The following RAPH1 variants were observed in gnomAD, a reference collection of about 807,000 sequenced individuals.
RAPH1 encodes the protein Ras association (RalGDS/AF-6) and pleckstrin homology domains 1, also known as ras-associated and pleckstrin homology domains-containing protein 1.
Under a neutral mutation model 88.1 loss-of-function variants are expected in RAPH1, and 18 were observed. The observed-to-expected ratio is 0.20, with a 90% CI of 0.14 to 0.30. RAPH1 has a LOEUF of 0.30. RAPH1 is among the 10% of genes least tolerant of loss of function. RAPH1 has a pLI of 1.00. For missense variants in RAPH1, 1,448 were observed against 1,543.2 expected, an observed-to-expected ratio of 0.94 and a Z score of 1.03; for synonymous variants, 587 against 559.0, an observed-to-expected ratio of 1.05 and a Z score of -0.71.
chr2:203,470,224 T>G, intron 4 of RAPH1: 1 of 1,580,254 alleles, frequency 6.3e-7, no homozygotes, highest in Non-Finnish European at 8.7e-7. Context: ...TACATGCATG[T>G]GGAAGAAGTA....
intron 1 of RAPH1, among the ~76,000 whole-genome samples, chr2:203,523,747 C>T (rs556202322): frequency 6.6e-6 from 1 of 152,306 alleles, no homozygotes; most frequent in East Asian, 1.9e-4. Context: ...TGGCTCAGGC[C>T]TGTAATCCCA....
Position 203,440,912 on chromosome 2 carries a change from G to A in RAPH1, c.2278C>T (p.Pro760Ser). 1 of 1,003,650 alleles carries A rather than the reference G, an allele frequency of 1.0e-6. No individual in the cohort carries two copies. Among genetic ancestry groups the A allele is most frequent in the East Asian group, 4.7e-5 (1 of 21,412 alleles). 62.2% of individuals were successfully genotyped at this position (1,003,650 alleles called of 1,614,324 possible). ...HQVQHITQVA[P>S]PTPPPPPPIP... is the part of the protein sequence containing the mutation. ...GGAGGAGGTGGGGGGGGTGTTGGGG[G>A]AGCCACCTGAGTAATATGCTGAACT... The change falls in exon 14 of 14, where the codon CCC becomes TCC. Residue 760 changes from proline to serine, a missense_variant. By Grantham distance (74) the Pro-to-Ser change is moderately conservative. Coordinates refer to ENST00000319170, the MANE Select transcript of RAPH1 (RefSeq NM_213589.3).
chr2:203,523,459 C>T (rs1689984645), intron 1 of RAPH1, among the ~76,000 whole-genome samples: 1 of 149,942 alleles, frequency 6.7e-6, no homozygotes, highest in African/African-American at 2.5e-5. Flanking sequence ...ACAAATGACA[C>T]TGGCACAACT....
At chr2:203,505,994 C>T (rs1420021638) in intron 1 of RAPH1, among the ~76,000 whole-genome samples, 2 of 152,202 alleles carry the variant, frequency 1.3e-5, no homozygotes, top group Non-Finnish European at 2.9e-5. Context: ...CTTCATTCCT[C>T]TTAGAGAAAA....
At chr2:203,489,242 T>G (rs1215808996) in intron 4 of RAPH1, among the ~76,000 whole-genome samples, 1 of 152,220 alleles carries the variant, frequency 6.6e-6, no homozygotes, top group East Asian at 1.9e-4. Flanking sequence ...TCTTAAGTTT[T>G]ACTTTAAATC....
chr2:203,455,879 C>T (rs940006970), intron 8 of RAPH1, among the ~76,000 whole-genome samples: 1 of 150,458 alleles, frequency 6.6e-6, no homozygotes, highest in Non-Finnish European at 1.5e-5. Flanking sequence ...CATGGTGGCG[C>T]GAGCCTGTAG....
Position 203,441,243 on chromosome 2 carries a change from GAGT to G in RAPH1, c.1944_1946del (p.Leu649del), listed in dbSNP as rs758917717. On this transcript the variant is annotated inframe_deletion, in exon 14 of 14. Coordinates refer to ENST00000319170, the MANE Select transcript of RAPH1 (RefSeq NM_213589.3). Reference sequence around the variant, plus strand: ...CTGCAGAAGGTGCAGACTGGCTGGGGAGTGGGGGAGGAGGGGGTGGTGGAGGGG... The same window carrying G: ...CTGCAGAAGGTGCAGACTGGCTGGGGGGGGGAGGAGGGGGTGGTGGAGGGG... The G allele has an allele frequency of 6.8e-7, 1 of 1,464,908 alleles. No individual in the cohort carries two copies. The allele number at this position is 1,464,908 out of a possible 1,614,324, so 90.7% of individuals were successfully genotyped here.
intron 10 of RAPH1, among the ~76,000 whole-genome samples, chr2:203,453,361 A>G (rs1438240504): frequency 2.0e-5 from 3 of 151,790 alleles, no homozygotes; most frequent in African/African-American, 7.3e-5. Context: ...CCTAGGCAAT[A>G]TGGCTAAACC....
intron 5 of RAPH1, among the ~76,000 whole-genome samples, 172 bp from the exon 6 acceptor site, chr2:203,461,580 G>A (rs1461774237): frequency 3.3e-5 from 5 of 151,934 alleles, no homozygotes; most frequent in East Asian, 1.9e-4. Context: ...CAAATAACCT[G>A]TAAGTAAATT....
intron 6 of RAPH1, among the ~76,000 whole-genome samples, chr2:203,460,420 T>C (rs2098523374): frequency 6.6e-6 from 1 of 152,210 alleles, no homozygotes; most frequent in African/African-American, 2.4e-5. Context: ...TCTTCTTTGA[T>C]CCATGACTGT....
At chr2:203,444,838 T>G (rs761640071) in intron 13 of RAPH1, 30 bp downstream of exon 13, 2 of 1,606,976 alleles carry the variant, frequency 1.2e-6, no homozygotes, top group East Asian at 4.5e-5. Context: ...ACCACAGAAT[T>G]TTCAATGTAA....
chr2:203,455,876 G>A (rs1167953649), intron 8 of RAPH1, among the ~76,000 whole-genome samples: 3 of 151,696 alleles, frequency 2.0e-5, no homozygotes, highest in Non-Finnish European at 4.4e-5. Context: ...AGGCATGGTG[G>A]CGCGAGCCTG....
chr2:203,455,308 A>G, intron 9 of RAPH1, 129 bp downstream of exon 9: 1 of 816,096 alleles, frequency 1.2e-6, no homozygotes, highest in Non-Finnish European at 1.9e-6. Context: ...TTAATAAACA[A>G]AGCAATATTC....
At chr2:203,450,267 C>A (rs1045568875) in intron 10 of RAPH1, among the ~76,000 whole-genome samples, 3 of 152,068 alleles carry the variant, frequency 2.0e-5, no homozygotes, top group Admixed American at 1.3e-4. Flanking sequence ...TAATTCTATT[C>A]TTTGCTTTTC....
chr2:203,502,918 C>T (rs1017504949), intron 1 of RAPH1, among the ~76,000 whole-genome samples: 7 of 151,860 alleles, frequency 4.6e-5, no homozygotes, highest in African/African-American at 1.5e-4. Context: ...CCGAGGCAGG[C>T]GGATCACCTT....
intron 12 of RAPH1, chr2:203,447,457 T>G (rs543898508): frequency 1.4e-3 from 208 of 152,640 alleles, no homozygotes; most frequent in Non-Finnish European, 2.5e-3. Context: ...TATTATTTCT[T>G]TCATCACATC....
intron 4 of RAPH1, among the ~76,000 whole-genome samples, chr2:203,485,398 G>A (rs1489128136): frequency 2.3e-5 from 3 of 130,772 alleles, no homozygotes; most frequent in Non-Finnish European, 4.8e-5. Flanking sequence ...ACAACAGAGT[G>A]AGACTCTGTC....
chr2:203,490,486 A>G (rs1298272763), intron 3 of RAPH1, among the ~76,000 whole-genome samples: 1 of 152,250 alleles, frequency 6.6e-6, no homozygotes, highest in Non-Finnish European at 1.5e-5. Context: ...CTAAAAAATT[A>G]CAGACTGACA....
At chr2:203,486,057 C>A (rs1687952449) in intron 4 of RAPH1, among the ~76,000 whole-genome samples, 1 of 140,596 alleles carries the variant, frequency 7.1e-6, no homozygotes, top group Non-Finnish European at 1.5e-5. Context: ...GCTCACCAGC[C>A]TAGGAAAAAA....
Sources: gnomAD v4.1 joint callset for allele counts (sites outside exome capture counted in the v4.1 genomes callset) on GRCh38, gnomAD v4.1.1 for gene constraint, MANE v1.5 for transcripts, NCBI Gene and HGNC (gene_info 2026-07-23, HGNC 2026-07-21) for gene names.